The following RIMS2 variants were observed in gnomAD, a reference collection of about 807,000 sequenced individuals.
RIMS2 encodes the protein regulating synaptic membrane exocytosis protein 2.
RIMS2 carries 59 observed loss-of-function variants against 174.4 expected under a neutral mutation model. The observed-to-expected ratio is 0.34, with a 90% CI of 0.27 to 0.42. The LOEUF (loss-of-function observed/expected upper bound fraction) is 0.42. Ranked by LOEUF, RIMS2 falls within the 10% of genes least tolerant of loss-of-function variation. RIMS2 has a pLI of 1.00. For missense variants in RIMS2, 1,620 were observed against 1,666.3 expected (o/e 0.97, Z 0.48); for synonymous variants, 606 against 572.5 (o/e 1.06, Z -0.84).
intron 19 of RIMS2, among the ~76,000 whole-genome samples, chr8:104,071,466 G>T (rs922710266): frequency 4.6e-5 from 7 of 152,034 alleles, no homozygotes; most frequent in African/African-American, 1.7e-4. Flanking sequence ...ACAGAGTCTT[G>T]CTCTGTCACC....
rs556095973 is a variant in RIMS2 at position 103,736,026 on chromosome 8, G to A, written c.388-30201G>A. On this transcript the variant is annotated intron_variant, in intron 2 of 23. Transcript: ENST00000504942. ...GGTGCTAAAATGTAAATTACACAAT[G>A]TCAGTTTATGCGCGTAATATTCTGG... 6.9e-4 allele frequency among the ~76,000 whole-genome samples: 105 copies of A among 152,246 alleles called. 1 individual carries two copies. Among genetic ancestry groups the A allele is most frequent in the Non-Finnish European group, 1.1e-3 (74 of 68,010 alleles).
intron 1 of RIMS2, among the ~76,000 whole-genome samples, chr8:103,600,460 G>A (rs908444215): frequency 3.3e-5 from 5 of 152,014 alleles, no homozygotes; most frequent in Non-Finnish European, 4.4e-5. Context: ...TAGTAGACAT[G>A]GGGTTTTGCC....
chr8:104,053,250 T>C (rs1566053287), intron 19 of RIMS2, among the ~76,000 whole-genome samples: 1 of 152,204 alleles, frequency 6.6e-6, no homozygotes, highest in African/African-American at 2.4e-5. Context: ...ATTGGAGATA[T>C]AGTAAGAAGC....
chr8:103,574,380 A>G (rs1306879173), intron 1 of RIMS2, among the ~76,000 whole-genome samples: 1 of 152,168 alleles, frequency 6.6e-6, no homozygotes, highest in Admixed American at 6.5e-5. Context: ...AGTTTCCACT[A>G]AGCTTTGTTA....
At chr8:103,810,511 G>A (rs2098679832) in intron 3 of RIMS2, among the ~76,000 whole-genome samples, 1 of 152,084 alleles carries the variant, frequency 6.6e-6, no homozygotes, top group African/African-American at 2.4e-5. Context: ...AAGTTCTAGT[G>A]AAAACAAAGT....
intron 1 of RIMS2, among the ~76,000 whole-genome samples, chr8:103,684,332 C>T (rs1191301345): frequency 6.6e-6 from 1 of 152,096 alleles, no homozygotes. Context: ...AGTTCTATCC[C>T]ACTGCCTGTT....
chr8:103,665,883 TC>T (rs1384191357), intron 1 of RIMS2, among the ~76,000 whole-genome samples: 2 of 152,214 alleles, frequency 1.3e-5, no homozygotes. Context: ...AAAATGTTTT[TC>T]TTCTATGAAG....
chr8:103,876,064 G>C (rs1051208481), intron 3 of RIMS2, among the ~76,000 whole-genome samples: 2 of 151,848 alleles, frequency 1.3e-5, no homozygotes, highest in South Asian at 2.1e-4. Context: ...GGTTGTCTAT[G>C]TGCTCTGTTG....
chr8:104,075,505 C>G (rs750730290), intron 19 of RIMS2, among the ~76,000 whole-genome samples: 3 of 152,198 alleles, frequency 2.0e-5, no homozygotes, highest in African/African-American at 4.8e-5. Context: ...TGATTTTCAA[C>G]TCGAGCCAAG....
intron 2 of RIMS2, among the ~76,000 whole-genome samples, chr8:103,709,675 T>C (rs2097280120): frequency 6.6e-6 from 1 of 152,150 alleles, no homozygotes; most frequent in Non-Finnish European, 1.5e-5. Context: ...GATATTCTTT[T>C]TTTTTCTTTA....
intron 14 of RIMS2, among the ~76,000 whole-genome samples, chr8:103,960,450 G>T (rs544000995): frequency 1.5e-4 from 23 of 152,234 alleles, no homozygotes; most frequent in African/African-American, 5.3e-4. Flanking sequence ...TAGTATTGTG[G>T]ATGACTTTTT....
At chr8:103,681,507 T>C (rs943643555) in intron 1 of RIMS2, among the ~76,000 whole-genome samples, 7 of 151,998 alleles carry the variant, frequency 4.6e-5, no homozygotes, top group Non-Finnish European at 7.4e-5. Context: ...AATTATATTA[T>C]GGATACCTAA....
At chr8:104,168,230 A>G (rs1331081082) in intron 19 of RIMS2, among the ~76,000 whole-genome samples, 1 of 152,110 alleles carries the variant, frequency 6.6e-6, no homozygotes, top group Non-Finnish European at 1.5e-5. Flanking sequence ...TGAGAATTGC[A>G]TTAAATCTGT....
At chr8:103,658,048 A>G (rs993777440) in intron 1 of RIMS2, among the ~76,000 whole-genome samples, 3 of 152,226 alleles carry the variant, frequency 2.0e-5, no homozygotes, top group Non-Finnish European at 4.4e-5. Flanking sequence ...TGTAACTGCT[A>G]TAATGACTAG....
chr8:103,607,080 C>T (rs1487627892), intron 1 of RIMS2, among the ~76,000 whole-genome samples: 2 of 151,690 alleles, frequency 1.3e-5, no homozygotes, highest in African/African-American at 4.8e-5. Context: ...TTAGTTGATG[C>T]AGTTTCTTCC....
chr8:103,750,322 A>G (rs982287415), intron 2 of RIMS2, among the ~76,000 whole-genome samples: 1 of 152,178 alleles, frequency 6.6e-6, no homozygotes, highest in Admixed American at 6.5e-5. Context: ...TACTGATTCA[A>G]AGATTAAACA....
chr8:103,617,133 A>G (rs947511861), intron 1 of RIMS2, among the ~76,000 whole-genome samples: 4 of 152,232 alleles, frequency 2.6e-5, no homozygotes, highest in Non-Finnish European at 4.4e-5. Flanking sequence ...ACAAGGCTAC[A>G]GTAACCAACC....
chr8:103,661,623 C>T (rs1048336456), intron 1 of RIMS2, among the ~76,000 whole-genome samples: 33 of 152,118 alleles, frequency 2.2e-4, no homozygotes, highest in African/African-American at 7.7e-4. Flanking sequence ...CCTGCCTCAG[C>T]CTCCCGAGTA....
At chr8:104,165,133 A>G (rs2098789234) in intron 19 of RIMS2, among the ~76,000 whole-genome samples, 1 of 152,194 alleles carries the variant, frequency 6.6e-6, no homozygotes, top group African/African-American at 2.4e-5. Flanking sequence ...CACAATTTTA[A>G]AGCAATACAG....
Sources: allele counts gnomAD v4.1 joint callset (sites outside exome capture counted in the v4.1 genomes callset), GRCh38; gene constraint gnomAD v4.1.1; transcripts MANE v1.5; gene names NCBI Gene and HGNC (gene_info 2026-07-23, HGNC 2026-07-21).